Variants in MCTP1 observed in about 807,000 individuals in gnomAD.
MCTP1 encodes the protein multiple C2 and transmembrane domain containing 1.
MCTP1 carries 69 observed loss-of-function variants against 120.6 expected under a neutral mutation model. That is an observed-to-expected ratio of 0.57 (90% CI 0.47 to 0.70). MCTP1 has a LOEUF of 0.70. MCTP1 is among the 30% of genes least tolerant of loss of function. The pLI is 0.00. For synonymous variants in MCTP1, 529 were observed against 493.1 expected, an observed-to-expected ratio of 1.07 and a Z score of -0.96; for missense variants, 1,203 against 1,248.8, an observed-to-expected ratio of 0.96 and a Z score of 0.55.
chr5:95,215,748 A>T (rs1752973074), intron 1 of MCTP1, among the ~76,000 whole-genome samples: 1 of 152,146 alleles, frequency 6.6e-6, no homozygotes, highest in South Asian at 2.1e-4. Flanking sequence ...GGTAAAAAAA[A>T]TTTGAAGAAC....
chr5:94,739,782 A>G (rs1765104184), intron 19 of MCTP1, among the ~76,000 whole-genome samples: 1 of 152,090 alleles, frequency 6.6e-6, no homozygotes, highest in South Asian at 2.1e-4. Flanking sequence ...TTCCTGCCTC[A>G]CCACTCTCCC....
chr5:94,787,881 A>G (rs149548219), intron 18 of MCTP1, among the ~76,000 whole-genome samples: 321 of 152,298 alleles, frequency 2.1e-3, no homozygotes, highest in Non-Finnish European at 3.5e-3. Flanking sequence ...AATTCTTAGA[A>G]GACTCCAACA....
intron 1 of MCTP1, among the ~76,000 whole-genome samples, chr5:95,245,856 G>A (rs1756707713): frequency 6.6e-6 from 1 of 152,112 alleles, no homozygotes; most frequent in Admixed American, 6.5e-5. Flanking sequence ...CTGGAGAAGA[G>A]CAACCCCAAG....
At chr5:95,157,944 T>C (rs1224926736) in intron 1 of MCTP1, among the ~76,000 whole-genome samples, 1 of 152,186 alleles carries the variant, frequency 6.6e-6, no homozygotes, top group Non-Finnish European at 1.5e-5. Flanking sequence ...TATTTACTGG[T>C]TCTTTACAGA....
At chr5:94,893,392 A>G (rs1333338588) in intron 11 of MCTP1, among the ~76,000 whole-genome samples, 3 of 152,232 alleles carry the variant, frequency 2.0e-5, no homozygotes, top group African/African-American at 7.2e-5. Flanking sequence ...ACAGAAGAAT[A>G]TATTTTGGTG....
At chr5:95,034,746 T>A (rs931737506) in intron 1 of MCTP1, among the ~76,000 whole-genome samples, 3 of 152,088 alleles carry the variant, frequency 2.0e-5, no homozygotes, top group Admixed American at 2.0e-4. Flanking sequence ...AAAGAGCTTC[T>A]GTACGGCAAA....
intron 3 of MCTP1, among the ~76,000 whole-genome samples, chr5:94,945,800 T>C (rs540179631): frequency 6.6e-6 from 1 of 152,238 alleles, no homozygotes. Flanking sequence ...GAAAAGTGTG[T>C]TTCATAATGA....
chr5:95,231,380 A>G (rs1262778618), intron 1 of MCTP1, among the ~76,000 whole-genome samples: 2 of 152,190 alleles, frequency 1.3e-5, no homozygotes, highest in East Asian at 3.8e-4. Flanking sequence ...GCTTCTCAAC[A>G]AACTGGGGTA....
intron 1 of MCTP1, among the ~76,000 whole-genome samples, chr5:95,178,338 T>C (rs1216313235): frequency 3.9e-5 from 6 of 152,202 alleles, no homozygotes; most frequent in Non-Finnish European, 7.3e-5. Flanking sequence ...ATCCTGCTTA[T>C]ACAGCTGCAG....
chr5:94,939,637 T>C (rs1357629845), intron 5 of MCTP1, among the ~76,000 whole-genome samples: 2 of 151,970 alleles, frequency 1.3e-5, no homozygotes, highest in Admixed American at 6.6e-5. Flanking sequence ...TCACTTATCA[T>C]TCACTAAACA....
At chr5:94,776,587 G>C (rs1775380660) in intron 19 of MCTP1, among the ~76,000 whole-genome samples, 1 of 152,078 alleles carries the variant, frequency 6.6e-6, no homozygotes, top group African/African-American at 2.4e-5. Flanking sequence ...TGAGGCTTTG[G>C]CACATTTATT....
rs17084389 is a variant in MCTP1, at chr5:95,051,563, G to A, written c.721-34079C>T. Among the ~76,000 whole-genome samples the A allele has an allele frequency of 6.2e-3, 947 of 152,190 alleles. 5 individuals carry two copies. The highest frequency in any genetic ancestry group is 0.022 in the African/African-American group (913 of 41,520). On this transcript the variant is annotated intron_variant, in intron 1 of 22. Transcript: ENST00000515393. ...ACCTCTCCAAATTTCTGTTCTTTCCGTGAAGGGTCTCTGAGCTCTTGTTCT... is the reference window on the plus strand; with the variant it reads ...ACCTCTCCAAATTTCTGTTCTTTCCATGAAGGGTCTCTGAGCTCTTGTTCT...
rs544518356 is a variant in MCTP1 at position 94,856,969 on chromosome 5, CAA to C, written c.2436+11362_2436+11363del. On this transcript the variant is annotated intron_variant, in intron 17 of 22. Coordinates refer to ENST00000515393, the MANE Select transcript of MCTP1 (RefSeq NM_024717.7). ...AATGGAATAACCCATTTCTGACAGT[CAA>C]GAGAGAAAGGAGAGAGATGTTCCCA... Among the ~76,000 whole-genome samples the C allele has an allele frequency of 1.8e-3, 277 of 151,652 alleles. 1 individual carries two copies. The highest frequency in any genetic ancestry group is 5.7e-3 in the African/African-American group (236 of 41,444).
At chr5:95,017,296 T>C in intron 2 of MCTP1, 71 bp downstream of exon 2, 1 of 807,532 alleles carries the variant, frequency 1.2e-6, no homozygotes, top group Non-Finnish European at 1.9e-6. Flanking sequence ...ACTCAGGCAA[T>C]CACGTGGAAA....
chr5:94,848,618 T>C (rs1433170830), intron 17 of MCTP1, among the ~76,000 whole-genome samples: 1 of 152,084 alleles, frequency 6.6e-6, no homozygotes, highest in African/African-American at 2.4e-5. Flanking sequence ...AAGTTCCTTA[T>C]GATGATTGAA....
intron 1 of MCTP1, among the ~76,000 whole-genome samples, chr5:95,067,146 G>A (rs1750887311): frequency 6.6e-6 from 1 of 151,914 alleles, no homozygotes. Flanking sequence ...GGTGGGAGTG[G>A]GGGGATCGGA....
At chr5:94,823,632 G>A (rs1382904148) in intron 17 of MCTP1, among the ~76,000 whole-genome samples, 1 of 152,164 alleles carries the variant, frequency 6.6e-6, no homozygotes, top group Admixed American at 6.6e-5. Flanking sequence ...AATCACTTTG[G>A]GCAGTATGGT....
chr5:95,214,518 T>G (rs1402403188), intron 1 of MCTP1, among the ~76,000 whole-genome samples: 1 of 152,206 alleles, frequency 6.6e-6, no homozygotes, highest in East Asian at 1.9e-4. Flanking sequence ...TTACTGGGTA[T>G]ATACCCAAAG....
At chr5:95,178,755 G>A (rs992883405) in intron 1 of MCTP1, among the ~76,000 whole-genome samples, 5 of 152,116 alleles carry the variant, frequency 3.3e-5, no homozygotes, top group African/African-American at 7.2e-5. Flanking sequence ...CTGGTATTAC[G>A]ATAAAACAAG....
Sources: allele counts gnomAD v4.1 joint callset (sites outside exome capture counted in the v4.1 genomes callset), GRCh38; gene constraint gnomAD v4.1.1; transcripts MANE v1.5; gene names NCBI Gene and HGNC (gene_info 2026-07-23, HGNC 2026-07-21).